The following MSRA variants were observed in gnomAD, a reference collection of about 807,000 sequenced individuals.
MSRA encodes the protein methionine sulfoxide reductase A.
A neutral mutation model predicts 31.3 loss-of-function variants in MSRA; 54 were observed. That is an observed-to-expected ratio of 1.73 (90% confidence interval 1.39 to 2.17). The LOEUF is 2.17. MSRA is among the 30% of genes most tolerant of loss of function. The pLI, the probability that MSRA is intolerant of heterozygous loss-of-function variation, is 0.00. For synonymous variants in MSRA, 169 were observed against 116.5 expected (o/e 1.45, Z -2.90); for missense variants, 507 against 300.9 (o/e 1.69, Z -5.07).
intron 5 of MSRA, chr8:10,337,721 T>C: frequency 2.8e-6 from 2 of 702,688 alleles, no homozygotes; most frequent in South Asian, 3.0e-5. Context: ...GGTGCTTCCC[T>C]GTTCTTCCTC....
At chr8:10,326,899 C>T (rs1481083027) in intron 5 of MSRA, among the ~76,000 whole-genome samples, 3 of 152,144 alleles carry the variant, frequency 2.0e-5, no homozygotes, top group African/African-American at 7.2e-5. Flanking sequence ...GTAATTCTTC[C>T]ATCCTGAGAA....
chr8:10,147,108 A>C (rs928532281), intron 1 of MSRA, among the ~76,000 whole-genome samples: 1 of 152,150 alleles, frequency 6.6e-6, no homozygotes, highest in African/African-American at 2.4e-5. Flanking sequence ...AGGGACACAG[A>C]GAGCAGAATG....
At chr8:10,287,095 A>G (rs1269911901) in intron 3 of MSRA, among the ~76,000 whole-genome samples, 1 of 152,186 alleles carries the variant, frequency 6.6e-6, no homozygotes, top group African/African-American at 2.4e-5. Context: ...GGGCTCCTAC[A>G]TTAATTACTG....
chr8:10,260,191 G>C (rs1161112814), intron 3 of MSRA, among the ~76,000 whole-genome samples: 1 of 152,244 alleles, frequency 6.6e-6, no homozygotes, highest in Non-Finnish European at 1.5e-5. Context: ...ATTGATGCAG[G>C]AGGCTCTCCT....
intron 4 of MSRA, 148 bp downstream of exon 4, chr8:10,301,786 G>A (rs751486510): frequency 4.3e-6 from 3 of 693,328 alleles, no homozygotes; most frequent in African/African-American, 1.8e-5. Flanking sequence ...AGGAGAGGAG[G>A]GGCTGGGGAG....
chr8:10,082,073 G>T (rs554551662), intron 1 of MSRA, among the ~76,000 whole-genome samples: 1 of 152,202 alleles, frequency 6.6e-6, no homozygotes, highest in Non-Finnish European at 1.5e-5. Context: ...TGGTGTGGTG[G>T]TGTGCACCCG....
intron 5 of MSRA, among the ~76,000 whole-genome samples, chr8:10,404,494 C>T (rs1027968614): frequency 6.6e-6 from 1 of 152,220 alleles, no homozygotes; most frequent in Non-Finnish European, 1.5e-5. Context: ...AGTTGGCATT[C>T]CTGCGGGGTG....
At chr8:10,342,081 A>C (rs142106486) in intron 5 of MSRA, among the ~76,000 whole-genome samples, 2 of 152,168 alleles carry the variant, frequency 1.3e-5, no homozygotes, top group African/African-American at 4.8e-5. Flanking sequence ...GCTGGGTTCA[A>C]AGAGTTAAAA....
chr8:10,370,396 C>T (rs533282940), intron 5 of MSRA, among the ~76,000 whole-genome samples: 42 of 152,254 alleles, frequency 2.8e-4, no homozygotes, highest in East Asian at 1.9e-4. Flanking sequence ...AGCATACGGG[C>T]GGCCAGTGAA....
intron 3 of MSRA, among the ~76,000 whole-genome samples, chr8:10,260,341 A>G (rs1798409498): frequency 6.6e-6 from 1 of 152,100 alleles, no homozygotes; most frequent in African/African-American, 2.4e-5. Context: ...TAGTAATGAA[A>G]GTGGAGTGAG....
chr8:10,130,502 G>C (rs1455212108), intron 1 of MSRA, among the ~76,000 whole-genome samples: 1 of 152,178 alleles, frequency 6.6e-6, no homozygotes, highest in Non-Finnish European at 1.5e-5. Flanking sequence ...AGTTGTTGCT[G>C]CTTGGATATT....
At chr8:10,420,730 G>A (rs1048133637) in intron 5 of MSRA, among the ~76,000 whole-genome samples, 16 of 152,228 alleles carry the variant, frequency 1.1e-4, no homozygotes, top group African/African-American at 3.4e-4. Flanking sequence ...ATATGCTATC[G>A]GGGAACAGGG....
At chr8:10,253,357 A>T (rs1263851992) in intron 3 of MSRA, among the ~76,000 whole-genome samples, 1 of 152,178 alleles carries the variant, frequency 6.6e-6, no homozygotes, top group Non-Finnish European at 1.5e-5. Flanking sequence ...TTGGCTGTTC[A>T]ACTCACGTCT....
At chr8:10,422,228 A>G (rs1019670626) in intron 5 of MSRA, among the ~76,000 whole-genome samples, 3 of 152,176 alleles carry the variant, frequency 2.0e-5, no homozygotes, top group African/African-American at 7.2e-5. Context: ...AGGGCCTGCC[A>G]TCAACCATGG....
chr8:10,259,141 C>T (rs946663865), intron 3 of MSRA, among the ~76,000 whole-genome samples: 3 of 151,768 alleles, frequency 2.0e-5, no homozygotes, highest in Admixed American at 1.3e-4. Flanking sequence ...ATATGTTCAT[C>T]TGTTGCCTTT....
chr8:10,167,268 G>A (rs547588731), intron 1 of MSRA, among the ~76,000 whole-genome samples: 1 of 152,296 alleles, frequency 6.6e-6, no homozygotes, highest in Non-Finnish European at 1.5e-5. Flanking sequence ...GGAGATTGGT[G>A]TCCAAAGGCA....
intron 5 of MSRA, among the ~76,000 whole-genome samples, chr8:10,348,940 C>T (rs75411333): frequency 0.011 from 1,644 of 152,206 alleles, 19 homozygotes; most frequent in African/African-American, 0.037. Context: ...CTAAAAAAGC[C>T]TGCCAGCTTG....
intron 1 of MSRA, among the ~76,000 whole-genome samples, chr8:10,183,829 C>G (rs868473533): frequency 3.8e-4 from 52 of 137,170 alleles, no homozygotes; most frequent in African/African-American, 9.4e-4. Context: ...GCTGCTGCTG[C>G]TGGTGGTATT....
At chr8:10,076,766 C>T (rs964558631) in intron 1 of MSRA, among the ~76,000 whole-genome samples, 16 of 152,038 alleles carry the variant, frequency 1.1e-4, no homozygotes, top group Non-Finnish European at 1.6e-4. Flanking sequence ...CCTGCCTTTC[C>T]GCAAGTGTCT....
Sources: allele counts gnomAD v4.1 joint callset (sites outside exome capture counted in the v4.1 genomes callset), GRCh38; gene constraint gnomAD v4.1.1; transcripts MANE v1.5; gene names NCBI Gene and HGNC (gene_info 2026-07-23, HGNC 2026-07-21).